AP2A2: variants seen among roughly 807,000 people sequenced by gnomAD.
AP2A2 encodes the protein AP-2 complex subunit alpha-2.
In AP2A2, 32 loss-of-function variants were observed where a neutral mutation model predicts 104.2. That is an observed-to-expected ratio of 0.31 (90% CI 0.23 to 0.41). AP2A2 has a LOEUF of 0.41. Among genes scored for constraint, AP2A2 ranks in the 10% least tolerant of loss-of-function variants. The pLI, the probability that AP2A2 is intolerant of heterozygous loss-of-function variation, is 1.00. For synonymous variants in AP2A2, 539 were observed against 533.3 expected (o/e 1.01, Z -0.15); for missense variants, 912 against 1,261.0 (o/e 0.72, Z 4.19).
chr11:994,275 C>A (rs767785322), intron 14 of AP2A2, 30 bp downstream of exon 14: 14 of 1,607,344 alleles, frequency 8.7e-6, no homozygotes, highest in South Asian at 5.5e-5. Flanking sequence ...TGCACCCAGA[C>A]CTGTCAGGGC....
chr11:945,425 C>T (rs576700118), intron 1 of AP2A2, among the ~76,000 whole-genome samples: 1 of 152,254 alleles, frequency 6.6e-6, no homozygotes, highest in African/African-American at 2.4e-5. Flanking sequence ...CCTCCACCTC[C>T]TGGGTTCAAG....
Position 937,304 on chromosome 11 carries a change from G to A in AP2A2, c.67+11216G>A, listed in dbSNP as rs184108940. 3.3e-4 allele frequency among the ~76,000 whole-genome samples: 50 copies of A among 152,146 alleles called. No individual in the cohort carries two copies. In the East Asian group the frequency reaches 8.9e-3, roughly 27 times the overall value. ...CAAAGTGCTGGGATTACAGGTGTGCGCCACCGTGCCCAGCCTATTGTTATT... is the reference window on the plus strand; with the variant it reads ...CAAAGTGCTGGGATTACAGGTGTGCACCACCGTGCCCAGCCTATTGTTATT... On this transcript the variant is annotated intron_variant, in intron 1 of 21. Transcript: ENST00000448903.
intron 1 of AP2A2, among the ~76,000 whole-genome samples, chr11:938,689 T>A (rs772735631): frequency 1.3e-5 from 2 of 152,022 alleles, no homozygotes; most frequent in Non-Finnish European, 2.9e-5. Flanking sequence ...TTAACCAGGA[T>A]GGTCTCCATC....
intron 15 of AP2A2, among the ~76,000 whole-genome samples, chr11:1,000,839 G>A (rs1856007556): frequency 6.6e-6 from 1 of 152,216 alleles, no homozygotes; most frequent in African/African-American, 2.4e-5. Flanking sequence ...GGACATGAAA[G>A]AAACACACTG....
In AP2A2 at chr11:984,747, C is replaced by T. The variant is rs780188960; in HGVS notation, c.808C>T (p.Pro270Ser). Residue 270 changes from proline (P) to serine (S), a missense_variant, in exon 7 of 22, where the codon CCC (proline) becomes TCC (serine). Transcript: ENST00000448903. Reference sequence around the variant, plus strand: ...GCTGAGACTGCTGCAGTGCTACCCACCCCCAGGTAACGCGCAGGCCGCGGC... The same window carrying T: ...GCTGAGACTGCTGCAGTGCTACCCATCCCCAGGTAACGCGCAGGCCGCGGC... ...KLLRLLQCYP[P>S]PDPAVRGRLT... 65 of 1,609,222 alleles carry T rather than the reference C, an allele frequency of 4.0e-5. No homozygotes were observed. The highest frequency in any genetic ancestry group is 5.3e-5 in the Non-Finnish European group (62 of 1,176,790).
chr11:960,302 G>T (rs1854387527), intron 2 of AP2A2, among the ~76,000 whole-genome samples: 1 of 151,936 alleles, frequency 6.6e-6, no homozygotes, highest in African/African-American at 2.4e-5. Flanking sequence ...GAGTGCAGTG[G>T]CACGATCTTG....
At chr11:1,007,763 G>A in intron 17 of AP2A2, 1 of 586,850 alleles carries the variant, frequency 1.7e-6, no homozygotes, top group South Asian at 2.0e-5. Context: ...AAACAGACAA[G>A]TAGTATATAA....
chr11:926,107 G>C lies in AP2A2; in HGVS notation c.67+19G>C, dbSNP rs771060901. ...CGCAACTGTGAGTGGCGGGGGCGGC[G>C]TGGGGCCGGGGCCGGGGCCGCCGGC... On this transcript the variant is annotated intron_variant, in intron 1 of 21. Transcript: ENST00000448903. 7.7e-7 allele frequency: 1 copy of C among 1,292,496 alleles called. No individual in the cohort carries two copies. Among genetic ancestry groups the C allele is most frequent in the African/African-American group, 1.5e-5 (1 of 64,542 alleles). 80.1% of individuals were successfully genotyped at this position (1,292,496 alleles called of 1,614,324 possible). A position where few individuals can be genotyped will look rare whatever the true frequency, so the allele number is the denominator to read the frequency against.
chr11:926,207 C>G, intron 1 of AP2A2, 119 bp downstream of exon 1: 1 of 547,742 alleles, frequency 1.8e-6, no homozygotes, highest in Non-Finnish European at 2.4e-6. Flanking sequence ...CGGGCGGGGC[C>G]CGGGGCCTGA....
chr11:958,324 A>T (rs1269640749), intron 1 of AP2A2, among the ~76,000 whole-genome samples: 1 of 152,188 alleles, frequency 6.6e-6, no homozygotes, highest in Non-Finnish European at 1.5e-5. Context: ...GAGAAGATGA[A>T]GTGTTTCAGC....
chr11:1,005,240 A>G (rs1432935518), intron 16 of AP2A2, among the ~76,000 whole-genome samples: 1 of 152,270 alleles, frequency 6.6e-6, no homozygotes, highest in African/African-American at 2.4e-5. Flanking sequence ...CACGGGCCAG[A>G]CACCTGGACA....
intron 1 of AP2A2, among the ~76,000 whole-genome samples, chr11:948,796 G>A (rs1211371807): frequency 2.6e-5 from 4 of 151,992 alleles, no homozygotes; most frequent in African/African-American, 9.7e-5. Flanking sequence ...GAACCCAGGA[G>A]GTAGAGGTTG....
intron 1 of AP2A2, among the ~76,000 whole-genome samples, chr11:943,866 A>G (rs548386401): frequency 1.5e-4 from 22 of 144,368 alleles, no homozygotes; most frequent in African/African-American, 5.5e-4. Flanking sequence ...GGAGATGGCA[A>G]GAGTAAGAGA....
At chr11:948,388 GC>G (rs1853924485) in intron 1 of AP2A2, 1 of 152,192 alleles carries the variant, frequency 6.6e-6, no homozygotes, top group Non-Finnish European at 1.5e-5. Flanking sequence ...CGTGACCGAA[GC>G]TAACTCAAGA....
At chr11:982,148 T>G (rs1855266349) in intron 6 of AP2A2, among the ~76,000 whole-genome samples, 3 of 152,218 alleles carry the variant, frequency 2.0e-5, no homozygotes, top group Admixed American at 2.0e-4. Flanking sequence ...TCTCCTGGAT[T>G]CAAGGGATTC....
At chr11:974,900 G>C (rs189217315) in intron 4 of AP2A2, among the ~76,000 whole-genome samples, 1 of 152,138 alleles carries the variant, frequency 6.6e-6, no homozygotes, top group Non-Finnish European at 1.5e-5. Flanking sequence ...CAGGAGAATC[G>C]CTTGAACCCG....
At chr11:926,702 C>T (rs1853132218) in intron 1 of AP2A2, among the ~76,000 whole-genome samples, 1 of 152,182 alleles carries the variant, frequency 6.6e-6, no homozygotes. Flanking sequence ...TCACCTACGA[C>T]GATTAAAATG....
Position 984,563 on chromosome 11 carries a change from G to C in AP2A2, c.706-82G>C. On this transcript the variant is annotated intron_variant, in intron 6 of 21. Coordinates refer to ENST00000448903, the MANE Select transcript of AP2A2 (RefSeq NM_012305.4). ...TTTTCCAGCTCAGGCGTGACCCGAG[G>C]AGTGAGTATGGCTTTTCTTTGGGTC... 3 of 1,148,094 alleles carry C rather than the reference G, an allele frequency of 2.6e-6. No homozygotes were observed. In the Admixed American group the frequency reaches 5.1e-5, roughly 20 times the overall value. 71.1% of individuals were successfully genotyped at this position (1,148,094 alleles called of 1,614,324 possible).
intron 15 of AP2A2, among the ~76,000 whole-genome samples, chr11:1,002,411 C>T (rs778482647): frequency 9.2e-5 from 14 of 152,268 alleles, no homozygotes; most frequent in Non-Finnish European, 1.5e-4. Flanking sequence ...TGTTGTGGAT[C>T]GCTGTCCTGT....
Sources: allele counts gnomAD v4.1 joint callset (sites outside exome capture counted in the v4.1 genomes callset), GRCh38; gene constraint gnomAD v4.1.1; transcripts MANE v1.5; gene names NCBI Gene and HGNC (gene_info 2026-07-23, HGNC 2026-07-21).